The following WDFY4 variants were observed in gnomAD, a reference collection of about 807,000 sequenced individuals.
WDFY4 encodes WD repeat- and FYVE domain-containing protein 4.
WDFY4 carries 169 observed loss-of-function variants against 351.9 expected under a neutral mutation model. The ratio of observed to expected loss-of-function variants is 0.48; its 90% CI spans 0.42 to 0.55. The LOEUF is 0.55. Ranked by LOEUF, WDFY4 falls within the 20% of genes least tolerant of loss-of-function variation. The pLI is 0.00. For synonymous variants in WDFY4, 1,622 were observed against 1,574.6 expected (o/e 1.03, Z -0.71); for missense variants, 3,803 against 3,935.6 (o/e 0.97, Z 0.90).
At chr10:48,858,912 C>T (rs1478905294) in intron 39 of WDFY4, among the ~76,000 whole-genome samples, 1 of 152,012 alleles carries the variant, frequency 6.6e-6, no homozygotes, top group Non-Finnish European at 1.5e-5. Flanking sequence ...CATATGCATC[C>T]TATATGTGTT....
chr10:48,981,842 T>A (rs947402363), intron 61 of WDFY4, among the ~76,000 whole-genome samples: 3 of 152,244 alleles, frequency 2.0e-5, no homozygotes, highest in Non-Finnish European at 4.4e-5. Context: ...GTGATGATTA[T>A]CCTTCATTAA....
Position 48,796,277 on chromosome 10 carries a change from GC to G in WDFY4, c.4258-20del, listed in dbSNP as rs2066872421. 1 of 1,547,012 alleles carries G rather than the reference GC, an allele frequency of 6.5e-7. No homozygotes were observed. The highest frequency in any genetic ancestry group is 8.7e-7 in the Non-Finnish European group (1 of 1,144,020). ...CTAATGATGCATTCATGAGGAAACT[GC>G]TTTGTGTTAACCTTTTCAGATAATG... On this transcript the variant is annotated intron_variant, in intron 23 of 61. Transcript: ENST00000325239.
chr10:48,867,379 G>A (rs1452350029), intron 40 of WDFY4, 37 bp downstream of exon 40: 1 of 1,335,472 alleles, frequency 7.5e-7, no homozygotes, highest in African/African-American at 1.5e-5. Flanking sequence ...TATACAGCAA[G>A]CTGGAATCCA....
In WDFY4 at chr10:48,897,526, C is replaced by T; in HGVS notation, c.7389C>T (p.His2463=). 1 of 1,551,174 alleles carries T rather than the reference C, an allele frequency of 6.4e-7. No individual in the cohort carries two copies. The highest frequency in any genetic ancestry group is 8.7e-7 in the Non-Finnish European group (1 of 1,147,020). ...CTGACCATTACTCGTGCCAGTGCCA[C>T]AGCTACGCTGACATGCGGGAGCTAC... ...RSTDHYSCQC[H]SYADMRELRQ... is the part of the protein sequence containing the mutation. The change falls in exon 45 of 62, where the codon CAC becomes CAT. Residue 2463 remains histidine (H), a synonymous_variant. Coordinates refer to ENST00000325239, the MANE Select transcript of WDFY4 (RefSeq NM_001394531.1).
chr10:48,702,715 T>C lies in WDFY4; in HGVS notation c.-17-7001T>C, dbSNP rs533298524. Among the ~76,000 whole-genome samples, 3 of 152,298 alleles carry C rather than the reference T, an allele frequency of 2.0e-5. No individual in the cohort carries two copies. The East Asian group carries it at 5.8e-4, about 29-fold the overall frequency. On this transcript the variant is annotated intron_variant, in intron 1 of 61. Transcript: ENST00000325239. ...TTCTAGAAACATTCATGTATAGGTT[T>C]TTGTAGGAGCATAAGTTTTCATTTC...
intron 12 of WDFY4, among the ~76,000 whole-genome samples, chr10:48,756,560 T>G (rs1309045390): frequency 6.6e-6 from 1 of 152,084 alleles, no homozygotes; most frequent in South Asian, 2.1e-4. Flanking sequence ...AGGGAGAAAG[T>G]CTTCAGTCTT....
chr10:48,880,134 C>A (rs899781263), intron 43 of WDFY4, among the ~76,000 whole-genome samples: 2 of 152,182 alleles, frequency 1.3e-5, no homozygotes, highest in Non-Finnish European at 2.9e-5. Flanking sequence ...CCTAGGAGAG[C>A]CTTTGTAGGT....
chr10:48,908,870 C>T (rs1345077617), intron 47 of WDFY4, among the ~76,000 whole-genome samples: 1 of 152,168 alleles, frequency 6.6e-6, no homozygotes, highest in African/African-American at 2.4e-5. Context: ...ATTTTATCAC[C>T]ACAAAGATAT....
At chr10:48,886,741 C>T (rs2671711) in intron 43 of WDFY4, among the ~76,000 whole-genome samples, 4 of 152,076 alleles carry the variant, frequency 2.6e-5, no homozygotes, top group East Asian at 1.9e-4. Flanking sequence ...TTCTAACTTT[C>T]GCTCCAGCAT....
intron 47 of WDFY4, among the ~76,000 whole-genome samples, chr10:48,906,595 G>A (rs529555904): frequency 3.7e-4 from 57 of 152,304 alleles, no homozygotes; most frequent in East Asian, 2.1e-3. Context: ...TTGAATACCG[G>A]CAGGATTTTT....
At chr10:48,833,865 A>C (rs2068284656) in intron 39 of WDFY4, among the ~76,000 whole-genome samples, 1 of 152,224 alleles carries the variant, frequency 6.6e-6, no homozygotes. Flanking sequence ...ACATAATCCC[A>C]GCTCTTGGCC....
chr10:48,807,800 C>T, intron 27 of WDFY4, 59 bp from the exon 28 acceptor site: 1 of 1,516,956 alleles, frequency 6.6e-7, no homozygotes, highest in Non-Finnish European at 9.0e-7. Context: ...TTGCTTACTG[C>T]AGCAAATATT....
rs183893146 is a variant in WDFY4, at chr10:48,919,366, T to C, written c.7586+17503T>C. 2.1e-3 allele frequency among the ~76,000 whole-genome samples: 315 copies of C among 152,314 alleles called. 1 individual carries two copies. The highest frequency in any genetic ancestry group is 6.8e-3 in the African/African-American group (281 of 41,562). The stretch of plus-strand genomic sequence containing the variant: ...GAATGAAAACCCAAATAGACCTGTA[T>C]TTATTGAAGAAATGGAATTCACGGT... On this transcript the variant is annotated intron_variant, in intron 47 of 61. Transcript: ENST00000325239.
At chr10:48,781,559 G>A (rs2066226966) in intron 19 of WDFY4, among the ~76,000 whole-genome samples, 1 of 152,170 alleles carries the variant, frequency 6.6e-6, no homozygotes, top group African/African-American at 2.4e-5. Context: ...CCCTCCCAAA[G>A]TGCTGGGATA....
intron 13 of WDFY4, among the ~76,000 whole-genome samples, chr10:48,762,280 G>A (rs1589544389): frequency 6.6e-6 from 1 of 152,226 alleles, no homozygotes; most frequent in East Asian, 1.9e-4. Flanking sequence ...AAGGAAATCT[G>A]TAGTGTTTGG....
At chr10:48,801,428 G>A (rs1320810579) in intron 24 of WDFY4, 1 of 447,818 alleles carries the variant, frequency 2.2e-6, no homozygotes, top group Non-Finnish European at 4.5e-6. Flanking sequence ...TTAGCCCCAG[G>A]CCTGGCATAT....
chr10:48,769,956 G>C (rs1318580145), intron 13 of WDFY4, among the ~76,000 whole-genome samples: 2 of 152,230 alleles, frequency 1.3e-5, no homozygotes, highest in Non-Finnish European at 2.9e-5. Flanking sequence ...TTACCACTGA[G>C]TCCTAATTGC....
At chr10:48,788,323 C>T (rs1459224102) in intron 20 of WDFY4, among the ~76,000 whole-genome samples, 1 of 152,162 alleles carries the variant, frequency 6.6e-6, no homozygotes, top group Non-Finnish European at 1.5e-5. Flanking sequence ...GCCACCATGC[C>T]CAGCCCACGG....
chr10:48,800,727 T>A (rs867841893), intron 24 of WDFY4, among the ~76,000 whole-genome samples: 6 of 109,520 alleles, frequency 5.5e-5, no homozygotes, highest in Admixed American at 2.7e-4. Flanking sequence ...TCTTTCATTC[T>A]TTCTTTTTTT....
Sources: allele counts gnomAD v4.1 joint callset (sites outside exome capture counted in the v4.1 genomes callset), GRCh38; gene constraint gnomAD v4.1.1; transcripts MANE v1.5; gene names NCBI Gene and HGNC (gene_info 2026-07-23, HGNC 2026-07-21).